FGF14: variants seen among roughly 807,000 people sequenced by gnomAD.
FGF14 encodes the protein fibroblast growth factor homologous factor 4.
In FGF14, 5 loss-of-function variants were observed where a neutral mutation model predicts 25.5. The observed-to-expected ratio is 0.20, with a 90% CI of 0.10 to 0.41. The LOEUF (loss-of-function observed/expected upper bound fraction) is 0.41, where lower values mean the gene tolerates loss of function less well. FGF14 is among the 10% of genes least tolerant of loss of function. The pLI is 1.00. For synonymous variants in FGF14, 138 were observed against 118.3 expected (o/e 1.17, Z -1.08); for missense variants, 222 against 320.1 (o/e 0.69, Z 2.34).
intron 1 of FGF14, among the ~76,000 whole-genome samples, chr13:101,927,766 C>G (rs757323098): frequency 1.6e-4 from 25 of 152,056 alleles, no homozygotes; most frequent in Non-Finnish European, 3.5e-4. Context: ...TTCTTTGACT[C>G]CTACACACTC....
At chr13:102,107,497 T>C (rs16959727) in intron 1 of FGF14, among the ~76,000 whole-genome samples, 11,223 of 151,646 alleles carry the variant, frequency 0.074, 1,404 homozygotes, top group African/African-American at 0.26. Flanking sequence ...TATTCAAAGG[T>C]GAAAAAAAAG....
chr13:102,126,335 T>A (rs1033284714), intron 1 of FGF14, among the ~76,000 whole-genome samples: 1 of 152,226 alleles, frequency 6.6e-6, no homozygotes, highest in Non-Finnish European at 1.5e-5. Flanking sequence ...TCCTATTGTG[T>A]CTGGTTTATT....
At chr13:102,019,349 G>C (rs1352481258) in intron 1 of FGF14, among the ~76,000 whole-genome samples, 1 of 152,086 alleles carries the variant, frequency 6.6e-6, no homozygotes, top group East Asian at 1.9e-4. Flanking sequence ...GGCAGAATCA[G>C]GACACCCTCT....
chr13:102,105,822 T>C (rs1358716807), intron 1 of FGF14, among the ~76,000 whole-genome samples: 1 of 152,214 alleles, frequency 6.6e-6, no homozygotes, highest in Admixed American at 6.5e-5. Context: ...AGTTAGGTAA[T>C]CAGAATCTCA....
chr13:101,961,192 T>C (rs2036835344), intron 1 of FGF14, among the ~76,000 whole-genome samples: 1 of 152,212 alleles, frequency 6.6e-6, no homozygotes, highest in South Asian at 2.1e-4. Context: ...TAAGTTTAAC[T>C]AGATCCCATG....
chr13:101,929,155 T>C (rs531143414), intron 1 of FGF14, among the ~76,000 whole-genome samples: 1 of 152,264 alleles, frequency 6.6e-6, no homozygotes, highest in East Asian at 1.9e-4. Flanking sequence ...GCGGGGAAGA[T>C]GTTGACATAG....
At chr13:102,215,317 C>T (rs1427681626) in intron 1 of FGF14, among the ~76,000 whole-genome samples, 2 of 152,162 alleles carry the variant, frequency 1.3e-5, no homozygotes, top group Admixed American at 1.3e-4. Context: ...TAACTGATAA[C>T]ATAACACATG....
intron 1 of FGF14, among the ~76,000 whole-genome samples, chr13:102,176,721 T>C (rs1245889700): frequency 2.0e-5 from 3 of 152,000 alleles, no homozygotes; most frequent in Non-Finnish European, 4.4e-5. Flanking sequence ...CCTACCATAA[T>C]AGAAAAACAC....
chr13:101,774,249 C>A (rs564151871), intron 3 of FGF14, among the ~76,000 whole-genome samples: 17 of 152,084 alleles, frequency 1.1e-4, no homozygotes, highest in African/African-American at 3.9e-4. Context: ...GTATGTAGTT[C>A]CAGAGGAGCA....
intron 1 of FGF14, among the ~76,000 whole-genome samples, chr13:101,902,586 ATC>A (rs891995057): frequency 3.9e-5 from 6 of 152,224 alleles, no homozygotes; most frequent in African/African-American, 1.4e-4. Flanking sequence ...TAATCAAACC[ATC>A]TGTGTGTAAT....
At chr13:102,066,221 T>C (rs958725562) in intron 1 of FGF14, among the ~76,000 whole-genome samples, 1 of 152,190 alleles carries the variant, frequency 6.6e-6, no homozygotes, top group Non-Finnish European at 1.5e-5. Flanking sequence ...GGATAATTCA[T>C]AGTGGTAATA....
chr13:101,770,911 T>C (rs1050363823), intron 3 of FGF14, among the ~76,000 whole-genome samples: 37 of 151,906 alleles, frequency 2.4e-4, no homozygotes, highest in African/African-American at 8.5e-4. Flanking sequence ...ATACAACAAA[T>C]AGTAACAAAA....
intron 3 of FGF14, among the ~76,000 whole-genome samples, chr13:101,826,287 C>T (rs530261832): frequency 4.0e-4 from 61 of 152,138 alleles, no homozygotes; most frequent in Non-Finnish European, 6.9e-4. Context: ...AAACACCTAG[C>T]AATAAAGCTT....
intron 2 of FGF14, among the ~76,000 whole-genome samples, chr13:101,873,230 C>A (rs2045211054): frequency 6.6e-6 from 1 of 152,014 alleles, no homozygotes; most frequent in Non-Finnish European, 1.5e-5. Context: ...AGACACTTCT[C>A]AAAATAATAT....
chr13:101,969,250 G>C (rs1853309), intron 1 of FGF14, among the ~76,000 whole-genome samples: 65,848 of 151,952 alleles, frequency 0.43, 14,969 homozygotes, highest in East Asian at 0.72. Context: ...TCTGGTTACT[G>C]GGGATTGAAG....
intron 3 of FGF14, among the ~76,000 whole-genome samples, chr13:101,849,868 C>T (rs190225041): frequency 6.6e-6 from 1 of 152,132 alleles, no homozygotes; most frequent in Admixed American, 6.6e-5. Flanking sequence ...TTGGGAGACT[C>T]ATTCAGCTCC....
intron 1 of FGF14, among the ~76,000 whole-genome samples, chr13:102,154,968 C>T (rs1455384082): frequency 2.0e-5 from 3 of 152,130 alleles, no homozygotes; most frequent in Non-Finnish European, 4.4e-5. Context: ...GCTAACTATC[C>T]TAAATATATA....
intron 1 of FGF14, among the ~76,000 whole-genome samples, chr13:101,905,771 C>T (rs563056433): frequency 6.6e-6 from 1 of 152,220 alleles, no homozygotes; most frequent in South Asian, 2.1e-4. Flanking sequence ...TCTATGGGTA[C>T]ATCCAGGAAG....
chr13:101,950,413 T>C (rs1401870525), intron 1 of FGF14, among the ~76,000 whole-genome samples: 1 of 152,214 alleles, frequency 6.6e-6, no homozygotes, highest in Admixed American at 6.5e-5. Context: ...TGATTTGTGT[T>C]ATTTTAATCT....
Sources: gnomAD v4.1 joint callset for allele counts (sites outside exome capture counted in the v4.1 genomes callset) on GRCh38, gnomAD v4.1.1 for gene constraint, MANE v1.5 for transcripts, NCBI Gene and HGNC (gene_info 2026-07-23, HGNC 2026-07-21) for gene names.